DYNC1I1: variants seen among roughly 807,000 people sequenced by gnomAD.
The protein encoded by DYNC1I1 is dynein cytoplasmic 1 intermediate chain 1.
DYNC1I1 carries 43 observed loss-of-function variants against 86.6 expected under a neutral mutation model. The ratio of observed to expected loss-of-function variants is 0.50; its 90% CI spans 0.39 to 0.64. The LOEUF is 0.64. Ranked by LOEUF, DYNC1I1 falls within the 30% of genes least tolerant of loss-of-function variation. The pLI, the probability that DYNC1I1 is intolerant of heterozygous loss-of-function variation, is 0.00. For missense variants in DYNC1I1, 604 were observed against 788.8 expected, an observed-to-expected ratio of 0.77 and a Z score of 2.81; for synonymous variants, 262 against 283.7, an observed-to-expected ratio of 0.92 and a Z score of 0.77.
At chr7:96,012,950 A>T (rs1001946637) in intron 10 of DYNC1I1, among the ~76,000 whole-genome samples, 55 of 152,006 alleles carry the variant, frequency 3.6e-4, no homozygotes, top group African/African-American at 1.3e-3. Context: ...TACATGAGTA[A>T]GTTCCTTAGT....
At chr7:96,043,020 C>A (rs1789099941) in intron 14 of DYNC1I1, among the ~76,000 whole-genome samples, 1 of 151,500 alleles carries the variant, frequency 6.6e-6, no homozygotes, top group African/African-American at 2.4e-5. Context: ...ATTAGCTGGG[C>A]GTGGTGGGGT....
chr7:96,011,063 AT>A, intron 10 of DYNC1I1, among the ~76,000 whole-genome samples: 1 of 152,170 alleles, frequency 6.6e-6, no homozygotes, highest in South Asian at 2.1e-4. Context: ...GTTTTATTTT[AT>A]TTTTTGCCTT....
intron 4 of DYNC1I1, 41 bp downstream of exon 4, chr7:95,813,378 T>TTAA: frequency 1.4e-6 from 2 of 1,408,524 alleles, no homozygotes; most frequent in Non-Finnish European, 1.9e-6. Flanking sequence ...GGGTGTCAAT[T>TTAA]AAAAAAAAAA....
chr7:95,824,748 A>G (rs1042991667), intron 4 of DYNC1I1, among the ~76,000 whole-genome samples: 22 of 152,302 alleles, frequency 1.4e-4, no homozygotes, highest in Non-Finnish European at 2.1e-4. Context: ...GACACACTGA[A>G]GCCATATCCA....
At chr7:95,912,775 C>CACA (rs1302304969) in intron 6 of DYNC1I1, among the ~76,000 whole-genome samples, 1 of 152,164 alleles carries the variant, frequency 6.6e-6, no homozygotes, top group Non-Finnish European at 1.5e-5. Context: ...ACTAATAACC[C>CACA]ACACTTTTGT....
chr7:95,884,403 AT>A (rs760044583), intron 6 of DYNC1I1, among the ~76,000 whole-genome samples: 4,170 of 145,006 alleles, frequency 0.029, 121 homozygotes, highest in African/African-American at 0.076. Context: ...CTGGCCCTTC[AT>A]TTTTTTTTTT....
In DYNC1I1 at chr7:96,098,034, T is replaced by G. The variant is rs942786122; in HGVS notation, c.*441T>G. 1.0e-6 allele frequency: 1 copy of G among 990,126 alleles called. No homozygotes were observed. The highest frequency in any genetic ancestry group is 1.7e-5 in the African/African-American group (1 of 57,366). 61.3% of individuals were successfully genotyped at this position (990,126 alleles called of 1,614,324 possible). ...ACTTGAGACGTGGTGTTTTACATGG[T>G]GACTCACATTATGAATGGATTTACT... On this transcript the variant is annotated 3_prime_UTR_variant, in exon 17 of 17. Transcript: ENST00000447467.
intron 5 of DYNC1I1, among the ~76,000 whole-genome samples, chr7:95,855,118 T>A (rs1789684671): frequency 6.6e-6 from 1 of 152,242 alleles, no homozygotes; most frequent in Non-Finnish European, 1.5e-5. Context: ...TCAGTTTTTC[T>A]TGTAAAACAC....
chr7:95,965,999 G>C (rs1793002680), intron 6 of DYNC1I1, among the ~76,000 whole-genome samples: 1 of 152,134 alleles, frequency 6.6e-6, no homozygotes, highest in Non-Finnish European at 1.5e-5. Flanking sequence ...GGCAGCTTCA[G>C]TTCCACAGCA....
chr7:95,787,535 C>A (rs1258267910), intron 1 of DYNC1I1, among the ~76,000 whole-genome samples: 1 of 152,128 alleles, frequency 6.6e-6, no homozygotes, highest in African/African-American at 2.4e-5. Context: ...AGCGTTGACA[C>A]TTTTTATAGT....
At chr7:95,858,260 C>T (rs1789778037) in intron 5 of DYNC1I1, among the ~76,000 whole-genome samples, 1 of 152,138 alleles carries the variant, frequency 6.6e-6, no homozygotes, top group South Asian at 2.1e-4. Context: ...TGGCCTCTTA[C>T]TGGTAACATT....
chr7:95,961,036 T>C (rs1192505206), intron 6 of DYNC1I1, among the ~76,000 whole-genome samples: 1 of 152,216 alleles, frequency 6.6e-6, no homozygotes, highest in Non-Finnish European at 1.5e-5. Context: ...TCTAATGATG[T>C]CATGCAAACA....
chr7:95,904,845 A>C (rs558770001), intron 6 of DYNC1I1, among the ~76,000 whole-genome samples: 5 of 152,132 alleles, frequency 3.3e-5, no homozygotes, highest in Non-Finnish European at 7.4e-5. Flanking sequence ...TCTGCCTGCC[A>C]CTTGATTGTT....
At chr7:95,930,975 A>G (rs1368961522) in intron 6 of DYNC1I1, among the ~76,000 whole-genome samples, 1 of 152,142 alleles carries the variant, frequency 6.6e-6, no homozygotes. Context: ...AAGCCCTGGC[A>G]TTTTCCTGGA....
chr7:95,913,880 A>G (rs138519358), intron 6 of DYNC1I1, among the ~76,000 whole-genome samples: 7 of 152,352 alleles, frequency 4.6e-5, no homozygotes, highest in African/African-American at 1.4e-4. Flanking sequence ...ACACTGGGAT[A>G]AATGAAGGAG....
intron 3 of DYNC1I1, 134 bp from the exon 4 acceptor site, chr7:95,813,113 T>A: frequency 2.1e-5 from 27 of 1,283,106 alleles, no homozygotes; most frequent in African/African-American, 3.1e-5. Context: ...TTTTTCTTTA[T>A]CCCATCTCAA....
At chr7:95,780,570 G>A (rs1476664363) in intron 1 of DYNC1I1, among the ~76,000 whole-genome samples, 1 of 151,670 alleles carries the variant, frequency 6.6e-6, no homozygotes, top group Non-Finnish European at 1.5e-5. Flanking sequence ...GAGCCACCAC[G>A]CCCGGCCTCA....
At chr7:95,785,780 T>C (rs1350766507) in intron 1 of DYNC1I1, among the ~76,000 whole-genome samples, 8 of 12,624 alleles carry the variant, frequency 6.3e-4, no homozygotes, top group African/African-American at 1.0e-3. Context: ...TATGTGTATA[T>C]ATATATATAT....
chr7:96,028,886 G>A (rs984586135), intron 11 of DYNC1I1, among the ~76,000 whole-genome samples: 18 of 152,156 alleles, frequency 1.2e-4, no homozygotes. Flanking sequence ...GTTCAGTATA[G>A]TGTTCATAAG....
Sources: gnomAD v4.1 joint callset for allele counts (sites outside exome capture counted in the v4.1 genomes callset) on GRCh38, gnomAD v4.1.1 for gene constraint, MANE v1.5 for transcripts, NCBI Gene and HGNC (gene_info 2026-07-23, HGNC 2026-07-21) for gene names.